MATN4: variants seen among roughly 807,000 people sequenced by gnomAD.
MATN4 encodes the protein matrilin-4.
MATN4 carries 40 observed loss-of-function variants against 54.6 expected under a neutral mutation model. That is an observed-to-expected ratio of 0.73 (90% CI 0.57 to 0.95). The LOEUF (loss-of-function observed/expected upper bound fraction) is 0.95, where lower values mean the gene tolerates loss of function less well. Ranked by LOEUF, MATN4 falls within the 40% of genes least tolerant of loss-of-function variation. The pLI is 0.00. For missense variants in MATN4, 810 were observed against 819.1 expected (o/e 0.99, Z 0.13); for synonymous variants, 351 against 345.3 (o/e 1.02, Z -0.18).
At chr20:45,296,437 G>T (rs1381034739) in intron 8 of MATN4, among the ~76,000 whole-genome samples, 4 of 152,100 alleles carry the variant, frequency 2.6e-5, no homozygotes, top group Non-Finnish European at 1.5e-5. Context: ...CTGGAATCCA[G>T]CAAAGACCCC....
intron 3 of MATN4, chr20:45,303,578 G>A: frequency 1.5e-6 from 1 of 662,318 alleles, no homozygotes; most frequent in African/African-American, 1.8e-5. Flanking sequence ...AGAGAGAGCT[G>A]GATGGGGATG....
intron 1 of MATN4, chr20:45,306,993 G>A: frequency 5.2e-6 from 6 of 1,163,358 alleles, no homozygotes; most frequent in Non-Finnish European, 6.6e-6. Context: ...TGAGAACTAC[G>A]AAGGACCACC....
At chr20:45,302,049 G>T (rs138840169) in intron 3 of MATN4, among the ~76,000 whole-genome samples, 10 of 151,992 alleles carry the variant, frequency 6.6e-5, no homozygotes, top group Admixed American at 2.6e-4. Context: ...GCACATACAC[G>T]CTTGTGTATG....
rs1344672105 is a variant in MATN4 at position 45,298,165 on chromosome 20, C to T, written c.1426+5G>A. 1 of 1,595,600 alleles carries T rather than the reference C, an allele frequency of 6.3e-7. No individual in the cohort carries two copies. Among genetic ancestry groups the T allele is most frequent in the Non-Finnish European group, 8.6e-7 (1 of 1,166,912 alleles). ...CCAGCCCACTGTGTCCCATGCCAAGCCCACCTTCCTCCTTGGCGCGCGCTG... is the reference window on the plus strand; with the variant it reads ...CCAGCCCACTGTGTCCCATGCCAAGTCCACCTTCCTCCTTGGCGCGCGCTG... On this transcript the variant is annotated splice_donor_5th_base_variant and intron_variant, in intron 7 of 9. Coordinates refer to ENST00000372756, the MANE Select transcript of MATN4 (RefSeq NM_001393530.1). The surrounding 1 kb of genome is among the most constrained non-coding windows in gnomAD (Gnocchi z 4.6).
At chr20:45,307,004 C>T in intron 1 of MATN4, 1 of 1,021,692 alleles carries the variant, frequency 9.8e-7, no homozygotes, top group Non-Finnish European at 1.3e-6. Flanking sequence ...AAGGACCACC[C>T]CCCCACCCCC....
intron 3 of MATN4, 54 bp downstream of exon 3, chr20:45,304,174 T>G: frequency 1.4e-6 from 2 of 1,398,598 alleles, no homozygotes; most frequent in South Asian, 1.6e-5. Context: ...GGGAAAGGAA[T>G]CCAAGCATTT....
At chr20:45,294,099 T>C (rs1985660951) in intron 8 of MATN4, 84 bp from the exon 9 acceptor site, 1 of 1,057,308 alleles carries the variant, frequency 9.5e-7, no homozygotes. Context: ...GGCCTATGGT[T>C]GAGTATATGG....
chr20:45,295,992 G>A (rs1028577249), intron 8 of MATN4, among the ~76,000 whole-genome samples: 2 of 151,850 alleles, frequency 1.3e-5, no homozygotes, highest in African/African-American at 4.8e-5. Flanking sequence ...GAGGCGGGTG[G>A]ATCACGAGGT....
At chr20:45,302,565 G>T (rs1986298505) in intron 3 of MATN4, among the ~76,000 whole-genome samples, 1 of 152,068 alleles carries the variant, frequency 6.6e-6, no homozygotes, top group Admixed American at 6.5e-5. Flanking sequence ...GAGCCCAGGA[G>T]TGTGAGACCA....
intron 8 of MATN4, among the ~76,000 whole-genome samples, chr20:45,296,457 A>C (rs1167332894): frequency 6.6e-6 from 1 of 152,196 alleles, no homozygotes; most frequent in African/African-American, 2.4e-5. Flanking sequence ...CTAACTTCAC[A>C]GATTTGTTTC....
Position 45,293,643 on chromosome 20 carries a change from C to T in MATN4, c.*124G>A. The T allele has an allele frequency of 2.3e-6, 2 of 888,272 alleles. No homozygotes were observed. Among genetic ancestry groups the T allele is most frequent in the Non-Finnish European group, 3.2e-6 (2 of 615,454 alleles). 55.0% of individuals were successfully genotyped at this position (888,272 alleles called of 1,614,324 possible). A position where few individuals can be genotyped will look rare whatever the true frequency, so the allele number is the denominator to read the frequency against. Reference sequence around the variant, plus strand: ...GCTCAATGCCGGAAGCCCGCCAGCGCCTCCGCCCCGACAGCCCAAGCCGGA... The same window carrying T: ...GCTCAATGCCGGAAGCCCGCCAGCGTCTCCGCCCCGACAGCCCAAGCCGGA... On this transcript the variant is annotated 3_prime_UTR_variant, in exon 10 of 10. Transcript: ENST00000372756.
At position 45,307,092 on chromosome 20, in the gene MATN4, G is replaced by A. The variant is rs563628360; in HGVS notation, c.-35+1083C>T. ...TGCAAAAGCAGGATTAGAACCTAGG[G>A]CTCCTGGTTCCCCTTCTCTCTCTTG... On this transcript the variant is annotated intron_variant, in intron 1 of 9. Transcript: ENST00000372756. The A allele has an allele frequency of 2.5e-5, 12 of 474,228 alleles. 1 individual carries two copies. The highest frequency in any genetic ancestry group is 2.4e-4 in the African/African-American group (12 of 49,572). 29.4% of individuals were successfully genotyped at this position (474,228 alleles called of 1,614,324 possible).
intron 8 of MATN4, among the ~76,000 whole-genome samples, chr20:45,295,216 C>A (rs2145638214): frequency 6.6e-6 from 1 of 152,274 alleles, no homozygotes; most frequent in South Asian, 2.1e-4. Flanking sequence ...TGCCTGGTGC[C>A]AAAAAGGTTG....
chr20:45,304,583 G>A lies in MATN4; in HGVS notation c.288C>T (p.Asp96=), dbSNP rs985027367. 7 of 1,598,980 alleles carry A rather than the reference G, an allele frequency of 4.4e-6. No homozygotes were observed. Among genetic ancestry groups the A allele is most frequent in the Non-Finnish European group, 6.0e-6 (7 of 1,168,232 alleles). Residue 96 remains aspartate, a synonymous_variant, in exon 3 of 10, where the codon GAC becomes GAT. Coordinates refer to ENST00000372756, the MANE Select transcript of MATN4 (RefSeq NM_001393530.1). The part of the protein sequence containing the change: ...FPLRAFSRRE[D]MERAIRDLVP... ...CCAGGTCGCGGATGGCGCGCTCCAT[G>A]TCCTCGCGGCGAGAGAACGCGCGGA...
chr20:45,305,802 A>ATTTTTTTTTTTTTTTTTTT lies in MATN4; in HGVS notation c.-34-187_-34-186insAAAAAAAAAAAAAAAAAAA, dbSNP rs1050722306. Among the ~76,000 whole-genome samples the ATTTTTTTTTTTTTTTTTTT allele has an allele frequency of 3.7e-3, 45 of 12,138 alleles. 2 individuals are homozygous for ATTTTTTTTTTTTTTTTTTT. The highest frequency in any genetic ancestry group is 4.7e-3 in the Non-Finnish European group (28 of 5,950). The allele number at this position is 12,138 out of a possible 152,430, so 8.0% of individuals were successfully genotyped here. A position where few individuals can be genotyped will look rare whatever the true frequency, so the allele number is the denominator to read the frequency against. ...GTGGGATTGCTGGGAAACACAAGAG[A>ATTTTTTTTTTTTTTTTTTT]TTCTTTTTTTTTTTTTTTTTAGATA... On this transcript the variant is annotated intron_variant, in intron 1 of 9. Transcript: ENST00000372756.
At chr20:45,308,424 A>C, upstream of MATN4, 1 of 594,158 alleles carries the variant, frequency 1.7e-6, no homozygotes, top group South Asian at 2.0e-5. Flanking sequence ...GGGCAAACCC[A>C]GCACCCCCTG....
rs202157726 is a variant in MATN4 at position 45,303,707 on chromosome 20, AG to A, written c.643+520del. 3.5e-4 allele frequency among the ~76,000 whole-genome samples: 54 copies of A among 152,332 alleles called. No individual in the cohort carries two copies. In the East Asian group the frequency reaches 7.9e-3, roughly 22 times the overall value. On this transcript the variant is annotated intron_variant, in intron 3 of 9. Coordinates refer to ENST00000372756, the MANE Select transcript of MATN4 (RefSeq NM_001393530.1). Reference sequence around the variant, plus strand: ...TAAGGCTTAAGGAGCCCCTGTGAGTAGGCTCAGAAGAGGAGACACTCAATTA... The same window carrying A: ...TAAGGCTTAAGGAGCCCCTGTGAGTAGCTCAGAAGAGGAGACACTCAATTA...
intron 3 of MATN4, chr20:45,303,243 T>C (rs1986357805): frequency 1.2e-5 from 7 of 563,000 alleles, no homozygotes; most frequent in East Asian, 2.8e-5. Context: ...CCCCAGGCAA[T>C]ACCTTTCTTT....
chr20:45,298,560 G>T lies in MATN4; in HGVS notation c.1036C>A (p.Leu346Ile), dbSNP rs1378972855. Residue 346 changes from leucine (L) to isoleucine (I), a missense_variant, in exon 7 of 10, where the codon CTT becomes ATT. Leu to Ile is a conservative substitution (Grantham distance 5, BLOSUM62 2). Transcript: ENST00000372756. The surrounding 1 kb of genome is among the most constrained non-coding windows in gnomAD (Gnocchi z 4.6). ...CNRCREGHVD[L>I]VLLVDGSKSV... is the part of the protein sequence containing the mutation. The stretch of plus-strand genomic sequence containing the variant: ...TTGGAGCCATCAACCAGCAGAACAA[G>T]GTCCACGTGGCCTTCCCGGCACCCT... 2 of 1,573,064 alleles carry T rather than the reference G, an allele frequency of 1.3e-6. No homozygotes were observed. Among genetic ancestry groups the T allele is most frequent in the Non-Finnish European group, 1.7e-6 (2 of 1,154,590 alleles).
Sources: allele counts gnomAD v4.1 joint callset (sites outside exome capture counted in the v4.1 genomes callset), GRCh38; gene constraint gnomAD v4.1.1; non-coding constraint Gnocchi (gnomAD v3.1); transcripts MANE v1.5; gene names NCBI Gene and HGNC (gene_info 2026-07-23, HGNC 2026-07-21).